Variants in XYLB observed in about 807,000 individuals in gnomAD.
XYLB encodes the protein xylulose kinase.
XYLB carries 62 observed loss-of-function variants against 78.7 expected under a neutral mutation model. The ratio of observed to expected loss-of-function variants is 0.79; its 90% CI spans 0.64 to 0.97. XYLB has a LOEUF of 0.97. Among genes scored for constraint, XYLB ranks in the 50% least tolerant of loss-of-function variants. The pLI, the probability that XYLB is intolerant of heterozygous loss-of-function variation, is 0.00. For synonymous variants in XYLB, 245 were observed against 247.4 expected, an observed-to-expected ratio of 0.99 and a Z score of 0.09; for missense variants, 687 against 676.8, an observed-to-expected ratio of 1.02 and a Z score of -0.17.
In XYLB at chr3:38,360,326, G is replaced by A. The variant is rs781302876; in HGVS notation, c.141-13G>A. 9 of 1,613,594 alleles carry A rather than the reference G, an allele frequency of 5.6e-6. No homozygotes were observed. Among genetic ancestry groups the A allele is most frequent in the South Asian group, 1.1e-5 (1 of 91,074 alleles). On this transcript the variant is annotated splice_polypyrimidine_tract_variant and intron_variant, in intron 2 of 18. Transcript: ENST00000207870. ...CCTGAGGCTCTGGTCTACATTCTCT[G>A]TTGTTCTTGCAGGACTCAGGGTGGT...
downstream of XYLB, among the ~76,000 whole-genome samples, chr3:38,422,605 T>G (rs1160830487): frequency 2.0e-5 from 3 of 152,134 alleles, no homozygotes; most frequent in African/African-American, 7.2e-5. Context: ...ATCAAAGTAT[T>G]TATATTTTGC....
At chr3:38,423,357 C>A (rs546034588), downstream of XYLB, among the ~76,000 whole-genome samples, 1 of 152,288 alleles carries the variant, frequency 6.6e-6, no homozygotes, top group Admixed American at 6.5e-5. Context: ...CAGGTGTGAG[C>A]CACCATGCCC....
chr3:38,421,379 G>A (rs765661363), downstream of XYLB: 2 of 152,290 alleles, frequency 1.3e-5, no homozygotes, highest in Non-Finnish European at 2.9e-5. Flanking sequence ...TGAGTAAGAA[G>A]GGGAGCTCAG....
At chr3:38,433,375 G>T in the XYLB span, among the ~76,000 whole-genome samples, 1 of 152,230 alleles carries the variant, frequency 6.6e-6, no homozygotes, top group South Asian at 2.1e-4. Context: ...TTTCCCCATT[G>T]TCTTGGTGAT....
chr3:38,443,860 A>G, the XYLB span, among the ~76,000 whole-genome samples: 1 of 152,194 alleles, frequency 6.6e-6, no homozygotes, highest in Non-Finnish European at 1.5e-5. Context: ...TGAATAATTC[A>G]TGGGCTTTTT....
chr3:38,398,061 G>A (rs1437580999), intron 17 of XYLB, among the ~76,000 whole-genome samples: 1 of 151,462 alleles, frequency 6.6e-6, no homozygotes, highest in East Asian at 2.0e-4. Context: ...TTTGTGATCT[G>A]CCCACCTTGG....
At chr3:38,372,524 T>A (rs745466184) in intron 9 of XYLB, 131 bp from the exon 10 acceptor site, 33 of 1,516,806 alleles carry the variant, frequency 2.2e-5, no homozygotes, top group Non-Finnish European at 2.7e-5. Context: ...GACTCCAGGC[T>A]CTGCAAAAGA....
intron 12 of XYLB, among the ~76,000 whole-genome samples, chr3:38,375,556 C>CT (rs1434154474): frequency 2.0e-5 from 3 of 152,198 alleles, no homozygotes; most frequent in African/African-American, 7.2e-5. Flanking sequence ...CTGAGCCACA[C>CT]TTTCCTCATG....
intron 15 of XYLB, among the ~76,000 whole-genome samples, chr3:38,391,088 G>A (rs1227687727): frequency 1.3e-5 from 2 of 151,958 alleles, no homozygotes; most frequent in African/African-American, 4.8e-5. Context: ...GCATGGTGGC[G>A]GACGCTTATA....
exon 18 of XYLB, among the ~76,000 whole-genome samples, chr3:38,420,203 G>A (rs1708933220): frequency 6.6e-6 from 1 of 152,200 alleles, no homozygotes; most frequent in Non-Finnish European, 1.5e-5. Flanking sequence ...GTATTAGTAG[G>A]ATATGTAGGG....
intron 15 of XYLB, among the ~76,000 whole-genome samples, chr3:38,389,536 C>A (rs1206975536): frequency 1.3e-5 from 2 of 152,044 alleles, no homozygotes; most frequent in African/African-American, 4.8e-5. Context: ...CAGAGGCACC[C>A]CCCACCTCCC....
At chr3:38,451,767 A>G in the XYLB span, 4 of 152,248 alleles carry the variant, frequency 2.6e-5, no homozygotes, top group Admixed American at 2.0e-4. Context: ...GAGGAGATTT[A>G]CGGGGAAAAT....
downstream of XYLB, among the ~76,000 whole-genome samples, chr3:38,419,026 T>G (rs1291715321): frequency 2.0e-5 from 3 of 152,134 alleles, no homozygotes; most frequent in Admixed American, 1.3e-4. Context: ...AGACTGAAAC[T>G]CTACTCACTA....
the XYLB span, among the ~76,000 whole-genome samples, chr3:38,432,732 C>T: frequency 6.6e-6 from 1 of 152,376 alleles, no homozygotes; most frequent in Non-Finnish European, 1.5e-5. Flanking sequence ...TCTCCTTTGA[C>T]TCTATTTCTC....
downstream of XYLB, among the ~76,000 whole-genome samples, chr3:38,424,177 G>T (rs1266422942): frequency 2.0e-5 from 3 of 152,188 alleles, no homozygotes; most frequent in South Asian, 4.1e-4. Flanking sequence ...AGAAAAGATT[G>T]ATTTTTCCAA....
chr3:38,418,513 T>C (rs889740551), downstream of XYLB, among the ~76,000 whole-genome samples: 9 of 152,170 alleles, frequency 5.9e-5, no homozygotes, highest in Admixed American at 5.9e-4. Flanking sequence ...TATAAGGTTA[T>C]TGTGAAATTA....
Position 38,413,002 on chromosome 3 carries a change from C to T in XYLB, c.1600C>T (p.Pro534Ser). The T allele has an allele frequency of 6.2e-7, 1 of 1,600,018 alleles. No homozygotes were observed. Among genetic ancestry groups the T allele is most frequent in the Non-Finnish European group, 8.5e-7 (1 of 1,175,704 alleles). ...EQRILSQTRG[P>S]PE is the part of the protein sequence containing the mutation. ...GAGAATCTTGTCTCAGACCCGGGGG[C>T]CTCCGGAGTGAACAGGCATCCCTGT... Residue 534 changes from proline (P) to serine (S), a missense_variant, in exon 19 of 19, where the codon CCT becomes TCT. Transcript: ENST00000207870.
chr3:38,381,528 A>G (rs1445341541), intron 15 of XYLB, among the ~76,000 whole-genome samples: 2 of 152,222 alleles, frequency 1.3e-5, no homozygotes, highest in Admixed American at 6.5e-5. Context: ...GAACAGAACC[A>G]TGTTTCTCTT....
the XYLB span, among the ~76,000 whole-genome samples, chr3:38,430,658 G>T: frequency 1.2e-4 from 19 of 152,136 alleles, no homozygotes; most frequent in Admixed American, 1.2e-3. Context: ...GTATTGCCCA[G>T]GTTTTATTCT....
Sources: gnomAD v4.1 joint callset for allele counts (sites outside exome capture counted in the v4.1 genomes callset) on GRCh38, gnomAD v4.1.1 for gene constraint, MANE v1.5 for transcripts, NCBI Gene and HGNC (gene_info 2026-07-23, HGNC 2026-07-21) for gene names.